Variants in SGCZ observed in about 807,000 individuals in gnomAD.
SGCZ encodes the protein sarcoglycan zeta.
Under a neutral mutation model 41.3 loss-of-function variants are expected in SGCZ, and 40 were observed. The ratio of observed to expected loss-of-function variants is 0.97; its 90% CI spans 0.75 to 1.26. The LOEUF is 1.26. SGCZ is among the 50% of genes most tolerant of loss of function. SGCZ has a pLI of 0.00. For missense variants in SGCZ, 552 were observed against 369.8 expected (o/e 1.49, Z -4.04); for synonymous variants, 206 against 137.5 (o/e 1.50, Z -3.49).
intron 1 of SGCZ, among the ~76,000 whole-genome samples, chr8:14,659,969 G>A (rs546487670): frequency 1.7e-4 from 26 of 152,156 alleles, no homozygotes; most frequent in Non-Finnish European, 3.4e-4. Flanking sequence ...TGAAGGCAGA[G>A]ATTAGGGAGA....
At chr8:14,918,664 C>T (rs1198851375) in intron 1 of SGCZ, among the ~76,000 whole-genome samples, 1 of 152,138 alleles carries the variant, frequency 6.6e-6, no homozygotes, top group East Asian at 1.9e-4. Context: ...AGATTATCTC[C>T]TCTGACTCAA....
chr8:14,831,598 T>TTGTGTG (rs113673802), intron 1 of SGCZ, among the ~76,000 whole-genome samples: 75 of 149,904 alleles, frequency 5.0e-4, no homozygotes, highest in African/African-American at 1.2e-3. Flanking sequence ...ACAAGTGTGT[T>TTGTGTG]TGTGTGTGTG....
chr8:14,848,704 T>C (rs961987394), intron 1 of SGCZ, among the ~76,000 whole-genome samples: 2 of 152,176 alleles, frequency 1.3e-5, no homozygotes, highest in African/African-American at 4.8e-5. Context: ...TTACAGCATT[T>C]AAGCAAAAAT....
intron 1 of SGCZ, among the ~76,000 whole-genome samples, chr8:15,076,804 C>G (rs1805550687): frequency 3.3e-5 from 5 of 150,720 alleles, no homozygotes; most frequent in Admixed American, 3.3e-4. Flanking sequence ...CGCCTCCCTC[C>G]AGCATTCCCT....
intron 1 of SGCZ, among the ~76,000 whole-genome samples, chr8:14,894,457 A>T (rs1805122740): frequency 6.6e-6 from 1 of 152,180 alleles, no homozygotes; most frequent in African/African-American, 2.4e-5. Context: ...ATCTGTCAGT[A>T]TCCCCTTAGT....
chr8:14,836,124 C>T (rs11988778), intron 1 of SGCZ, among the ~76,000 whole-genome samples: 2 of 151,896 alleles, frequency 1.3e-5, no homozygotes, highest in East Asian at 3.9e-4. Context: ...CTGCCTCCCC[C>T]ACACCTCCCC....
intron 4 of SGCZ, among the ~76,000 whole-genome samples, chr8:14,221,781 T>A (rs1487524493): frequency 6.6e-6 from 1 of 151,710 alleles, no homozygotes; most frequent in Non-Finnish European, 1.5e-5. Flanking sequence ...ACAAAAAATA[T>A]AAAAAATTAG....
intron 1 of SGCZ, among the ~76,000 whole-genome samples, chr8:14,639,439 T>C (rs1217902539): frequency 6.6e-6 from 1 of 151,662 alleles, no homozygotes; most frequent in African/African-American, 2.4e-5. Context: ...GATTACTTCA[T>C]AAAGATATTA....
intron 1 of SGCZ, among the ~76,000 whole-genome samples, chr8:15,230,816 A>T (rs1228424110): frequency 1.3e-5 from 2 of 152,182 alleles, no homozygotes; most frequent in African/African-American, 2.4e-5. Context: ...TGTTTCGAAG[A>T]CATTGGACAA....
chr8:14,371,465 A>T lies in SGCZ; in HGVS notation c.235-47261T>A, dbSNP rs114426563. 7.3e-3 allele frequency among the ~76,000 whole-genome samples: 1,113 copies of T among 152,060 alleles called. 20 individuals are homozygous for T. The highest frequency in any genetic ancestry group is 0.026 in the African/African-American group (1,070 of 41,496). ...ATGACTATATCCATTAAAATAAAAC[A>T]CTCTAAATTTCTAAATACCCACACT... On this transcript the variant is annotated intron_variant, in intron 2 of 7. Transcript: ENST00000382080.
chr8:14,928,988 T>C (rs28410253), intron 1 of SGCZ, among the ~76,000 whole-genome samples: 18,707 of 152,092 alleles, frequency 0.12, 1,312 homozygotes, highest in African/African-American at 0.19. Flanking sequence ...TATTTATTTA[T>C]TTACTTACTT....
At chr8:14,735,509 T>TA (rs1158757207) in intron 1 of SGCZ, among the ~76,000 whole-genome samples, 1 of 152,172 alleles carries the variant, frequency 6.6e-6, no homozygotes, top group Non-Finnish European at 1.5e-5. Context: ...AGACTTACAC[T>TA]AGTGGTTTGC....
intron 2 of SGCZ, among the ~76,000 whole-genome samples, chr8:14,499,309 G>C (rs1802081000): frequency 6.6e-6 from 1 of 151,902 alleles, no homozygotes; most frequent in African/African-American, 2.4e-5. Flanking sequence ...CCTTGTACAT[G>C]TATTAGTAGA....
At chr8:14,389,476 G>GAAA (rs34141720) in intron 2 of SGCZ, among the ~76,000 whole-genome samples, 1 of 131,944 alleles carries the variant, frequency 7.6e-6, no homozygotes, top group African/African-American at 2.7e-5. Context: ...AACCTGACAG[G>GAAA]AAAAAAAAAA....
At chr8:15,131,571 A>G (rs1485304429) in intron 1 of SGCZ, among the ~76,000 whole-genome samples, 1 of 152,386 alleles carries the variant, frequency 6.6e-6, no homozygotes, top group African/African-American at 2.4e-5. Flanking sequence ...ATGTCCAAAT[A>G]AAGTGAAATC....
chr8:14,715,536 A>C (rs1037289716), intron 1 of SGCZ, among the ~76,000 whole-genome samples: 1 of 129,784 alleles, frequency 7.7e-6, no homozygotes, highest in Non-Finnish European at 1.6e-5. Flanking sequence ...ATCCTCCACC[A>C]CACACACACA....
rs375274495 is a variant in SGCZ, at chr8:14,136,042, C to A, written c.548-27807G>T. The stretch of plus-strand genomic sequence containing the variant: ...AGTATAAAGCCGAAAAACTATAGAC[C>A]AATATTGCACATATAATTACACAGA... On this transcript the variant is annotated intron_variant, in intron 5 of 7. Coordinates refer to ENST00000382080, the MANE Select transcript of SGCZ (RefSeq NM_139167.4). 3.2e-4 allele frequency among the ~76,000 whole-genome samples: 48 copies of A among 152,202 alleles called. 1 individual carries two copies. The highest frequency in any genetic ancestry group is 3.4e-3 in the Middle Eastern group (1 of 294).
At chr8:15,125,901 T>C (rs1807660573) in intron 1 of SGCZ, among the ~76,000 whole-genome samples, 1 of 152,170 alleles carries the variant, frequency 6.6e-6, no homozygotes, top group Non-Finnish European at 1.5e-5. Context: ...ATCCCAGCAG[T>C]TTGGGAAGCC....
chr8:15,116,596 G>C (rs1192212818), intron 1 of SGCZ, among the ~76,000 whole-genome samples: 2 of 152,146 alleles, frequency 1.3e-5, no homozygotes, highest in Non-Finnish European at 2.9e-5. Flanking sequence ...CAGGACAGAA[G>C]GCTGACAGAA....
Sources: gnomAD v4.1 joint callset for allele counts (sites outside exome capture counted in the v4.1 genomes callset) on GRCh38, gnomAD v4.1.1 for gene constraint, MANE v1.5 for transcripts, NCBI Gene and HGNC (gene_info 2026-07-23, HGNC 2026-07-21) for gene names.